The following CDH23 variants were observed in gnomAD, a reference collection of about 807,000 sequenced individuals.
The protein encoded by CDH23 is cadherin-23.
A neutral mutation model predicts 317.1 loss-of-function variants in CDH23; 189 were observed. The observed-to-expected ratio is 0.60, with a 90% CI of 0.53 to 0.67. The LOEUF (loss-of-function observed/expected upper bound fraction) is 0.67. CDH23 is among the 30% of genes least tolerant of loss of function. The pLI is 0.00. For missense variants in CDH23, 4,401 were observed against 4,592.4 expected, an observed-to-expected ratio of 0.96 and a Z score of 1.20; for synonymous variants, 1,839 against 1,876.8, an observed-to-expected ratio of 0.98 and a Z score of 0.52.
intron 1 of CDH23, among the ~76,000 whole-genome samples, chr10:71,417,200 C>G (rs2131937672): frequency 6.6e-6 from 1 of 152,024 alleles, no homozygotes; most frequent in Admixed American, 6.6e-5. Flanking sequence ...CCTCAGCCTC[C>G]CAAGTACCTG....
Position 71,705,069 on chromosome 10 carries a change from G to T in CDH23, c.2892G>T (p.Arg964=). 4 of 1,612,544 alleles carry T rather than the reference G, an allele frequency of 2.5e-6. No individual in the cohort carries two copies. Among genetic ancestry groups the T allele is most frequent in the Non-Finnish European group, 3.4e-6 (4 of 1,179,800 alleles). The stretch of plus-strand genomic sequence containing the variant: ...AGCGCATCGCGGAGTACCAGCTGCG[G>T]GTGGTGGCCAGTGATGCAGGCACGC... ...DRERIAEYQL[R]VVASDAGTPT... The change falls in exon 25 of 70, where the codon CGG becomes CGT. Residue 964 remains arginine (R), a synonymous_variant. Coordinates refer to ENST00000224721, the MANE Select transcript of CDH23 (RefSeq NM_022124.6).
At chr10:71,534,015 C>T (rs576582313) in intron 6 of CDH23, among the ~76,000 whole-genome samples, 14 of 152,248 alleles carry the variant, frequency 9.2e-5, no homozygotes, top group Non-Finnish European at 2.1e-4. Context: ...ATTTTCTTTA[C>T]CGATTTTATG....
chr10:71,547,251 G>GA (rs373760087), intron 6 of CDH23, among the ~76,000 whole-genome samples: 277 of 152,354 alleles, frequency 1.8e-3, no homozygotes, highest in African/African-American at 6.5e-3. Flanking sequence ...GCCTCTGGAG[G>GA]AAACAGGCCT....
chr10:71,746,209 G>T lies in CDH23; in HGVS notation c.4845+4288G>T, dbSNP rs1314529130. Among the ~76,000 whole-genome samples, 3 of 152,306 alleles carry T rather than the reference G, an allele frequency of 2.0e-5. No individual in the cohort carries two copies. The East Asian group carries it at 5.8e-4, about 29-fold the overall frequency. On this transcript the variant is annotated intron_variant, in intron 38 of 69. Coordinates refer to ENST00000224721, the MANE Select transcript of CDH23 (RefSeq NM_022124.6). The stretch of plus-strand genomic sequence containing the variant: ...GCCTGGAAGCCAGGGCAGGTTTTCT[G>T]GAGGAAGCATCATTTGCATCCCTGT...
chr10:71,608,566 T>C, intron 9 of CDH23, among the ~76,000 whole-genome samples: 1 of 152,226 alleles, frequency 6.6e-6, no homozygotes, highest in East Asian at 1.9e-4. Flanking sequence ...CCTTTGGAAT[T>C]GCTGCAGAGG....
chr10:71,446,257 T>G (rs1216299787), intron 2 of CDH23, 61 bp from the exon 3 acceptor site: 3 of 1,501,328 alleles, frequency 2.0e-6, no homozygotes, highest in African/African-American at 1.4e-5. Flanking sequence ...TGTGTCACCT[T>G]ATAGAGTGTG....
At chr10:71,525,479 G>A (rs549341334) in intron 6 of CDH23, among the ~76,000 whole-genome samples, 1 of 152,304 alleles carries the variant, frequency 6.6e-6, no homozygotes, top group East Asian at 1.9e-4. Flanking sequence ...GTGGGAAGCT[G>A]GTGGTTTTTG....
At position 71,625,421 on chromosome 10, in the gene CDH23, A is replaced by AAAAC. The variant is rs778124827; in HGVS notation, c.1134+8031_1134+8032insCAAA. ...TAAAAAAAAAAAAAAAAAAAAAAAA[A>AAAAC]AAATGACAAGGAGAAAAGGCCATAT... is the stretch of plus-strand genomic sequence containing the variant. On this transcript the variant is annotated intron_variant, in intron 11 of 69. Coordinates refer to ENST00000224721, the MANE Select transcript of CDH23 (RefSeq NM_022124.6). Among the ~76,000 whole-genome samples, 63 of 92,372 alleles carry AAAAC rather than the reference A, an allele frequency of 6.8e-4. 3 individuals are homozygous for AAAAC. The highest frequency in any genetic ancestry group is 2.1e-3 in the African/African-American group (53 of 24,904). The allele number at this position is 92,372 out of a possible 152,430, so 60.6% of individuals were successfully genotyped here.
At position 71,779,330 on chromosome 10, in the gene CDH23, C is replaced by T. The variant is rs759313457; in HGVS notation, c.5251C>T (p.Pro1751Ser). The change falls in exon 41 of 70, where the codon CCA becomes TCA. Residue 1751 changes from proline to serine, a missense_variant. Around this residue, in one of 3 missense-constraint regions of CDH23, gnomAD observed 3,068 missense variants for 3,203.3 expected, o/e 0.96. Coordinates refer to ENST00000224721, the MANE Select transcript of CDH23 (RefSeq NM_022124.6). The stretch of plus-strand genomic sequence containing the variant: ...TACCTTCCCCCGGGACTATGAGGGA[C>T]CATTTGAAGTCACTGAGGGCCAGCC... Reference protein sequence around the residue: ...VPTFPRDYEGPFEVTEGQPGP... With the variant: ...VPTFPRDYEGSFEVTEGQPGP... The T allele has an allele frequency of 9.3e-6, 15 of 1,613,884 alleles. No homozygotes were observed. Among genetic ancestry groups the T allele is most frequent in the Non-Finnish European group, 1.3e-5 (15 of 1,179,898 alleles).
intron 41 of CDH23, among the ~76,000 whole-genome samples, chr10:71,780,308 A>G (rs111321209): frequency 7.2e-5 from 11 of 152,342 alleles, no homozygotes; most frequent in African/African-American, 2.6e-4. Context: ...GAACCAACTG[A>G]CTAAGTAGAT....
intron 28 of CDH23, among the ~76,000 whole-genome samples, chr10:71,718,071 T>C (rs950491017): frequency 5.3e-5 from 8 of 152,178 alleles, no homozygotes; most frequent in African/African-American, 1.9e-4. Context: ...CCCTTTAACC[T>C]TGGGGTCTTT....
intron 1 of CDH23, among the ~76,000 whole-genome samples, chr10:71,405,636 C>T (rs1848063366): frequency 6.6e-6 from 1 of 152,144 alleles, no homozygotes; most frequent in African/African-American, 2.4e-5. Context: ...TGGGATTTCA[C>T]CATGTTGGCC....
intron 6 of CDH23, among the ~76,000 whole-genome samples, chr10:71,544,977 C>T (rs192821742): frequency 6.6e-6 from 1 of 152,186 alleles, no homozygotes; most frequent in African/African-American, 2.4e-5. Context: ...CTGGGGTAAC[C>T]CTGGGGACAG....
At chr10:71,527,791 G>A (rs1855124405) in intron 6 of CDH23, among the ~76,000 whole-genome samples, 1 of 152,180 alleles carries the variant, frequency 6.6e-6, no homozygotes, top group South Asian at 2.1e-4. Context: ...TAAGGCTTCT[G>A]CAATGCACAT....
At chr10:71,472,929 T>A (rs1223886023) in intron 3 of CDH23, among the ~76,000 whole-genome samples, 1 of 152,248 alleles carries the variant, frequency 6.6e-6, no homozygotes, top group Non-Finnish European at 1.5e-5. Context: ...GCATTGTTAT[T>A]TTTATAAACT....
intron 9 of CDH23, among the ~76,000 whole-genome samples, chr10:71,582,564 C>A (rs1318176775): frequency 6.6e-6 from 1 of 152,220 alleles, no homozygotes; most frequent in Non-Finnish European, 1.5e-5. Context: ...GTGGCCTCGG[C>A]TTAGCTTCTG....
At chr10:71,618,760 C>T (rs937941709) in intron 11 of CDH23, among the ~76,000 whole-genome samples, 3 of 152,146 alleles carry the variant, frequency 2.0e-5, no homozygotes, top group Non-Finnish European at 4.4e-5. Flanking sequence ...CTCAACCAGA[C>T]ATGGTCCCCC....
chr10:71,446,545 C>A (rs1850180556), intron 3 of CDH23, 150 bp downstream of exon 3: 1 of 722,830 alleles, frequency 1.4e-6, no homozygotes, highest in Admixed American at 2.2e-5. Context: ...AGGATGCCTC[C>A]AGGGACAGGG....
chr10:71,703,877 G>T (rs568961365), intron 24 of CDH23, among the ~76,000 whole-genome samples: 1 of 152,210 alleles, frequency 6.6e-6, no homozygotes. Flanking sequence ...CACAACCAGC[G>T]AAGAAAGATG....
Sources: allele counts gnomAD v4.1 joint callset (sites outside exome capture counted in the v4.1 genomes callset), GRCh38; gene constraint gnomAD v4.1.1; regional missense constraint gnomAD v4.1.1; transcripts MANE v1.5; gene names NCBI Gene and HGNC (gene_info 2026-07-23, HGNC 2026-07-21).